FAM227A: variants seen among roughly 807,000 people sequenced by gnomAD.
FAM227A encodes family with sequence similarity 227 member A.
A neutral mutation model predicts 74.7 loss-of-function variants in FAM227A; 80 were observed. The observed-to-expected ratio is 1.07, with a 90% CI of 0.89 to 1.29. The LOEUF (loss-of-function observed/expected upper bound fraction) is 1.29. Ranked by LOEUF, FAM227A falls within the 50% of genes most tolerant of loss-of-function variation. FAM227A has a pLI of 0.00. For missense variants in FAM227A, 654 were observed against 683.4 expected, an observed-to-expected ratio of 0.96 and a Z score of 0.48; for synonymous variants, 237 against 241.8, an observed-to-expected ratio of 0.98 and a Z score of 0.19.
intron 13 of FAM227A, among the ~76,000 whole-genome samples, chr22:38,603,380 T>C (rs2091217256): frequency 6.7e-6 from 1 of 150,320 alleles, no homozygotes; most frequent in Non-Finnish European, 1.5e-5. Context: ...CCCAACTACT[T>C]GGGAGGCTGA....
At chr22:38,655,330 G>A (rs1309087729) in intron 1 of FAM227A, among the ~76,000 whole-genome samples, 1 of 151,436 alleles carries the variant, frequency 6.6e-6, no homozygotes, top group African/African-American at 2.4e-5. Context: ...AGGAGTTCGA[G>A]ACCAGCCTGG....
At chr22:38,648,801 C>T (rs5995606) in intron 2 of FAM227A, among the ~76,000 whole-genome samples, 44,649 of 151,074 alleles carry the variant, frequency 0.3, 6,666 homozygotes, top group East Asian at 0.36. Context: ...GGTGAAACCC[C>T]GTCTCTACTA....
chr22:38,601,582 C>A (rs953606035), intron 13 of FAM227A, among the ~76,000 whole-genome samples: 1 of 152,044 alleles, frequency 6.6e-6, no homozygotes, highest in Non-Finnish European at 1.5e-5. Flanking sequence ...GTCTCTTTGA[C>A]TGATGGGAGG....
intron 2 of FAM227A, 117 bp from the exon 3 acceptor site, chr22:38,645,762 C>G: frequency 1.6e-6 from 1 of 632,882 alleles, no homozygotes. Flanking sequence ...TAATTATTTT[C>G]TTTGCATTCA....
At chr22:38,609,288 G>C (rs1180995438) in intron 11 of FAM227A, among the ~76,000 whole-genome samples, 1 of 152,168 alleles carries the variant, frequency 6.6e-6, no homozygotes, top group Non-Finnish European at 1.5e-5. Context: ...TAGCGGTAGG[G>C]GAGGCTAGGA....
chr22:38,645,195 T>G (rs990090427), intron 3 of FAM227A, among the ~76,000 whole-genome samples: 7 of 150,308 alleles, frequency 4.7e-5, no homozygotes, highest in Non-Finnish European at 7.4e-5. Flanking sequence ...AGCGAGCCCA[T>G]CCTGGCCAAC....
At chr22:38,598,774 TGAG>T (rs2091106390) in intron 14 of FAM227A, among the ~76,000 whole-genome samples, 1 of 152,048 alleles carries the variant, frequency 6.6e-6, no homozygotes, top group Admixed American at 6.6e-5. Context: ...GTGAAAAAAA[TGAG>T]GCACAGAGAG....
At chr22:38,651,297 T>C (rs1027659112) in intron 1 of FAM227A, among the ~76,000 whole-genome samples, 4 of 152,232 alleles carry the variant, frequency 2.6e-5, no homozygotes, top group Non-Finnish European at 5.9e-5. Context: ...CTGGAATGAT[T>C]TGCTTCTACT....
At chr22:38,609,363 T>G (rs953883589) in intron 11 of FAM227A, among the ~76,000 whole-genome samples, 3 of 152,060 alleles carry the variant, frequency 2.0e-5, no homozygotes, top group African/African-American at 7.2e-5. Flanking sequence ...TTTTCACAGG[T>G]GAAGGGGACA....
chr22:38,628,465 T>C, intron 7 of FAM227A, 123 bp from the exon 8 acceptor site: 1 of 676,928 alleles, frequency 1.5e-6, no homozygotes, highest in South Asian at 1.8e-5. Context: ...ATATTTAGCC[T>C]CATATGCTTT....
intron 8 of FAM227A, 85 bp from the exon 9 acceptor site, chr22:38,626,388 T>A (rs1415781864): frequency 1.0e-5 from 15 of 1,446,108 alleles, no homozygotes; most frequent in Non-Finnish European, 1.4e-5. Flanking sequence ...ACTTTCTTTT[T>A]TTATATATAG....
intron 9 of FAM227A, 113 bp from the exon 10 acceptor site, chr22:38,623,392 T>C (rs1192097795): frequency 3.1e-6 from 2 of 636,362 alleles, no homozygotes; most frequent in Non-Finnish European, 5.6e-6. Context: ...GAGACCAGCC[T>C]AGGCAACATA....
intron 11 of FAM227A, among the ~76,000 whole-genome samples, chr22:38,611,734 G>T (rs182409825): frequency 5.8e-4 from 88 of 152,178 alleles, no homozygotes; most frequent in African/African-American, 1.9e-3. Context: ...CACTGTAGTC[G>T]TGCACTCCTA....
intron 14 of FAM227A, 150 bp downstream of exon 14, chr22:38,599,614 G>T: frequency 1.7e-6 from 1 of 600,218 alleles, no homozygotes; most frequent in South Asian, 4.0e-5. Context: ...TTCTGACCCT[G>T]AGGCTCGCAC....
intron 11 of FAM227A, among the ~76,000 whole-genome samples, chr22:38,608,155 C>CAAAA (rs35387385): frequency 1.3e-4 from 10 of 76,834 alleles, no homozygotes; most frequent in Admixed American, 1.5e-4. Context: ...CTTTTCTCTA[C>CAAAA]AAAAAAAAAA....
rs1341492646 is a variant in FAM227A at position 38,583,749 on chromosome 22, T to C, written c.*2376A>G. 6.6e-6 allele frequency: 1 copy of C among 152,260 alleles called. No individual in the cohort carries two copies. Among genetic ancestry groups the C allele is most frequent in the African/African-American group, 2.4e-5 (1 of 41,436 alleles). 9.4% of individuals were successfully genotyped at this position (152,260 alleles called of 1,614,324 possible). A position where few individuals can be genotyped will look rare whatever the true frequency, so the allele number is the denominator to read the frequency against. Reference sequence around the variant, plus strand: ...TGCCAAAGCCTAAGCTCCTTCTCTCTTACCTTTCCTTCATCCCCTTTTACA... The same window carrying C: ...TGCCAAAGCCTAAGCTCCTTCTCTCCTACCTTTCCTTCATCCCCTTTTACA... On this transcript the variant is annotated 3_prime_UTR_variant, in exon 17 of 17. Transcript: ENST00000535113.
Position 38,645,599 on chromosome 22 carries a change from G to A in FAM227A, c.189C>T (p.Asp63=). 1 of 1,551,412 alleles carries A rather than the reference G, an allele frequency of 6.4e-7. No individual in the cohort carries two copies. Among genetic ancestry groups the A allele is most frequent in the Non-Finnish European group, 8.7e-7 (1 of 1,146,876 alleles). ...CCGACGGCTCGGTACGCAGATTTAT[G>A]TCAGCAATCTTTTGGTTCACCTGGT... is the stretch of plus-strand genomic sequence containing the variant. The part of the protein sequence containing the change: ...SMHQVNQKIA[D]INLRTEPSAN... Residue 63 remains aspartate, a synonymous_variant, in exon 3 of 17, where the codon GAC becomes GAT. Transcript: ENST00000535113.
intron 1 of FAM227A, among the ~76,000 whole-genome samples, chr22:38,652,135 G>T (rs940648524): frequency 6.6e-6 from 1 of 151,962 alleles, no homozygotes; most frequent in African/African-American, 2.4e-5. Flanking sequence ...GCAGTGAGCT[G>T]AGATCATGCC....
chr22:38,609,307 C>T (rs1357160513), intron 11 of FAM227A, among the ~76,000 whole-genome samples: 1 of 152,196 alleles, frequency 6.6e-6, no homozygotes, highest in East Asian at 1.9e-4. Flanking sequence ...GAAATACAAT[C>T]TTTATTTCAG....
Sources: allele counts gnomAD v4.1 joint callset (sites outside exome capture counted in the v4.1 genomes callset), GRCh38; gene constraint gnomAD v4.1.1; transcripts MANE v1.5; gene names NCBI Gene and HGNC (gene_info 2026-07-23, HGNC 2026-07-21).